SCARA5: variants seen among roughly 807,000 people sequenced by gnomAD.
SCARA5 encodes the protein scavenger receptor class A, member 5 (putative).
Under a neutral mutation model 46.3 loss-of-function variants are expected in SCARA5, and 45 were observed. That is an observed-to-expected ratio of 0.97 (90% CI 0.76 to 1.24). The LOEUF (loss-of-function observed/expected upper bound fraction) is 1.24, where lower values mean the gene tolerates loss of function less well. SCARA5 is among the 50% of genes most tolerant of loss of function. The pLI, the probability that SCARA5 is intolerant of heterozygous loss-of-function variation, is 0.00. For missense variants in SCARA5, 680 were observed against 689.0 expected (o/e 0.99, Z 0.15); for synonymous variants, 333 against 306.5 (o/e 1.09, Z -0.90).
chr8:27,878,491 G>T (rs1416082958), intron 8 of SCARA5, among the ~76,000 whole-genome samples: 1 of 152,214 alleles, frequency 6.6e-6, no homozygotes, highest in African/African-American at 2.4e-5. Flanking sequence ...CCTAAGAAGG[G>T]TCTGTGCCCC....
chr8:27,939,441 T>A (rs976326206), intron 3 of SCARA5, among the ~76,000 whole-genome samples: 1 of 152,194 alleles, frequency 6.6e-6, no homozygotes, highest in South Asian at 2.1e-4. Flanking sequence ...GACTTTTGCA[T>A]GTCCCCCACC....
chr8:27,954,084 T>C (rs914501372), intron 3 of SCARA5, among the ~76,000 whole-genome samples: 1 of 152,196 alleles, frequency 6.6e-6, no homozygotes, highest in Admixed American at 6.5e-5. Flanking sequence ...CGTTCCCAGC[T>C]CTGACTGTAT....
At chr8:27,907,868 C>T (rs1016495895) in intron 5 of SCARA5, among the ~76,000 whole-genome samples, 1 of 152,232 alleles carries the variant, frequency 6.6e-6, no homozygotes, top group Admixed American at 6.5e-5. Flanking sequence ...CCGCGTCCAG[C>T]CTAGAATCAG....
chr8:27,915,083 G>A (rs888737855), intron 4 of SCARA5, among the ~76,000 whole-genome samples: 27 of 152,158 alleles, frequency 1.8e-4, no homozygotes, highest in African/African-American at 4.6e-4. Flanking sequence ...ACCACAGGCC[G>A]GCTGACAGGG....
chr8:27,969,161 C>G (rs1293952834), intron 2 of SCARA5, among the ~76,000 whole-genome samples: 1 of 152,156 alleles, frequency 6.6e-6, no homozygotes, highest in African/African-American at 2.4e-5. Context: ...CTGCCCAAAA[C>G]ACATTTATGG....
chr8:27,940,257 A>T (rs2685306), intron 3 of SCARA5, among the ~76,000 whole-genome samples: 1 of 151,996 alleles, frequency 6.6e-6, no homozygotes, highest in African/African-American at 2.4e-5. Context: ...AGCATGTGAG[A>T]AATCTGAGTC....
chr8:27,946,255 C>T (rs1228511752), intron 3 of SCARA5, among the ~76,000 whole-genome samples: 3 of 152,286 alleles, frequency 2.0e-5, no homozygotes, highest in South Asian at 2.1e-4. Flanking sequence ...GACATGCATA[C>T]GCTATCACAG....
At chr8:27,978,248 T>G (rs954674011) in intron 2 of SCARA5, among the ~76,000 whole-genome samples, 18 of 151,316 alleles carry the variant, frequency 1.2e-4, no homozygotes, top group African/African-American at 4.4e-4. Context: ...CCAGGTTGGT[T>G]TCGAACTCCT....
chr8:27,927,539 G>T (rs1807701033), intron 3 of SCARA5, among the ~76,000 whole-genome samples: 1 of 151,894 alleles, frequency 6.6e-6, no homozygotes, highest in Non-Finnish European at 1.5e-5. Context: ...CATTTTATAA[G>T]CATTTTTTAT....
At chr8:27,936,611 A>AAAAAAAAAAAAG (rs1807862022) in intron 3 of SCARA5, among the ~76,000 whole-genome samples, 1 of 147,682 alleles carries the variant, frequency 6.8e-6, no homozygotes, top group African/African-American at 2.5e-5. Context: ...AAAAAAAAAA[A>AAAAAAAAAAAAG]GGTGGGGATG....
chr8:27,874,207 A>G (rs1365580478), intron 8 of SCARA5, among the ~76,000 whole-genome samples: 1 of 152,236 alleles, frequency 6.6e-6, no homozygotes, highest in Non-Finnish European at 1.5e-5. Flanking sequence ...AGTAGGAAAA[A>G]GTTACACTGA....
chr8:27,941,028 A>T (rs917528647), intron 3 of SCARA5, among the ~76,000 whole-genome samples: 6 of 152,108 alleles, frequency 3.9e-5, no homozygotes, highest in Non-Finnish European at 7.4e-5. Context: ...TCACAATATG[A>T]TTTTATGGGG....
At position 27,966,426 on chromosome 8, in the gene SCARA5, A is replaced by G. The variant is rs1305203716; in HGVS notation, c.229T>C (p.Phe77Leu). ...LLVFLILVGI[F>L]ILAVSRPRSS... ...GGCCTGCTCTTACCTGCTAAGATGA[A>G]GATGCCCACAAGAATCAGGAAGACC... Residue 77 changes from phenylalanine (F) to leucine (L), a missense_variant, in exon 3 of 9, where the codon TTC becomes CTC. By Grantham distance (22) the Phe-to-Leu change is conservative. Transcript: ENST00000354914. 1 of 1,609,610 alleles carries G rather than the reference A, an allele frequency of 6.2e-7. No individual in the cohort carries two copies. Among genetic ancestry groups the G allele is most frequent in the African/African-American group, 1.3e-5 (1 of 74,586 alleles).
At chr8:27,879,113 T>C (rs7003622) in intron 8 of SCARA5, among the ~76,000 whole-genome samples, 23,446 of 152,090 alleles carry the variant, frequency 0.15, 2,569 homozygotes, top group African/African-American at 0.32. Context: ...ACAGCGATGA[T>C]ACCTGTATAC....
chr8:27,935,742 G>T (rs746703184), intron 3 of SCARA5, among the ~76,000 whole-genome samples: 16 of 152,134 alleles, frequency 1.1e-4, no homozygotes, highest in African/African-American at 3.6e-4. Context: ...CAGGCTGTTG[G>T]CCCCACCCAT....
rs1490222848 is a variant in SCARA5 at position 27,870,212 on chromosome 8, T to G, written c.*1722A>C. On this transcript the variant is annotated 3_prime_UTR_variant, in exon 9 of 9. Transcript: ENST00000354914. ...TGTTCAATGTGGCATCTTTCACCTT[T>G]AGTTTTTTTTTTTTTTTTTTTTTAA... is the stretch of plus-strand genomic sequence containing the variant. The G allele has an allele frequency of 2.6e-5, 3 of 114,866 alleles. No homozygotes were observed. The highest frequency in any genetic ancestry group is 9.2e-5 in the African/African-American group (3 of 32,680). 7.1% of individuals were successfully genotyped at this position (114,866 alleles called of 1,614,324 possible).
intron 3 of SCARA5, among the ~76,000 whole-genome samples, chr8:27,954,479 G>A (rs1217458002): frequency 6.6e-6 from 1 of 152,082 alleles, no homozygotes; most frequent in African/African-American, 2.4e-5. Flanking sequence ...CACACTAAGG[G>A]GTGCTCTTTT....
At chr8:27,984,604 T>G (rs887405685) in intron 2 of SCARA5, among the ~76,000 whole-genome samples, 5 of 149,308 alleles carry the variant, frequency 3.3e-5, no homozygotes, top group East Asian at 2.0e-4. Context: ...ATCCATCCAT[T>G]CATCCATCCA....
At chr8:27,897,832 G>A (rs1466522187) in intron 7 of SCARA5, among the ~76,000 whole-genome samples, 3 of 152,236 alleles carry the variant, frequency 2.0e-5, no homozygotes, top group Non-Finnish European at 4.4e-5. Flanking sequence ...ACTCCACAGT[G>A]CCTTGTTTAT....
Sources: allele counts gnomAD v4.1 joint callset (sites outside exome capture counted in the v4.1 genomes callset), GRCh38; gene constraint gnomAD v4.1.1; transcripts MANE v1.5; gene names NCBI Gene and HGNC (gene_info 2026-07-23, HGNC 2026-07-21).